PKIB: variants seen among roughly 807,000 people sequenced by gnomAD.
PKIB encodes cAMP-dependent protein kinase inhibitor beta.
PKIB carries 2 observed loss-of-function variants against 4.5 expected under a neutral mutation model. The ratio of observed to expected loss-of-function variants is 0.44; its 90% CI spans 0.18 to 1.39. The LOEUF is 1.39. PKIB is among the 40% of genes most tolerant of loss of function. PKIB has a pLI of 0.27. For missense variants in PKIB, 94 were observed against 92.6 expected, an observed-to-expected ratio of 1.02 and a Z score of -0.06; for synonymous variants, 38 against 36.0, an observed-to-expected ratio of 1.06 and a Z score of -0.20.
chr6:122,634,965 CA>C (rs1715682829), intron 2 of PKIB, among the ~76,000 whole-genome samples: 1 of 150,834 alleles, frequency 6.6e-6, no homozygotes, highest in African/African-American at 2.4e-5. Flanking sequence ...AAAAGAATAG[CA>C]TGTCTTAATT....
intron 2 of PKIB, among the ~76,000 whole-genome samples, chr6:122,667,049 A>G (rs1013649123): frequency 6.6e-6 from 1 of 152,034 alleles, no homozygotes; most frequent in Non-Finnish European, 1.5e-5. Context: ...CTTTCCTCCC[A>G]GTGAGTTGGT....
At chr6:122,572,026 A>G (rs909323581) in intron 2 of PKIB, among the ~76,000 whole-genome samples, 1 of 152,102 alleles carries the variant, frequency 6.6e-6, no homozygotes, top group Non-Finnish European at 1.5e-5. Context: ...ACATAAACTC[A>G]TGGTTAAGGG....
chr6:122,488,323 T>C (rs1775829489), intron 2 of PKIB, among the ~76,000 whole-genome samples: 1 of 152,188 alleles, frequency 6.6e-6, no homozygotes, highest in Non-Finnish European at 1.5e-5. Context: ...TATAATTATT[T>C]ATCTTGTTGC....
chr6:122,673,387 G>A (rs1380854125), intron 2 of PKIB, among the ~76,000 whole-genome samples: 1 of 152,066 alleles, frequency 6.6e-6, no homozygotes. Flanking sequence ...TTTTAGGTGT[G>A]TATATTTACA....
intron 2 of PKIB, 111 bp downstream of exon 2, chr6:122,633,478 A>C (rs1262003091): frequency 2.0e-5 from 3 of 152,188 alleles, no homozygotes; most frequent in Non-Finnish European, 4.4e-5. Context: ...AGAAAATGTA[A>C]GGTGGGATAT....
At chr6:122,507,669 ATT>A (rs576003513) in intron 2 of PKIB, among the ~76,000 whole-genome samples, 21 of 142,220 alleles carry the variant, frequency 1.5e-4, no homozygotes, top group Non-Finnish European at 2.3e-4. Context: ...TGGCTTAAAA[ATT>A]TTTTTTTTTT....
chr6:122,552,472 G>T (rs1321442403), intron 2 of PKIB, among the ~76,000 whole-genome samples: 1 of 152,092 alleles, frequency 6.6e-6, no homozygotes, highest in East Asian at 1.9e-4. Context: ...CACCCCCTGG[G>T]TTCCAGTGAT....
chr6:122,493,130 G>C (rs1366535793), intron 2 of PKIB: 3 of 152,120 alleles, frequency 2.0e-5, no homozygotes, highest in African/African-American at 7.2e-5. Flanking sequence ...AAATCCCTTT[G>C]AACTGTCAAA....
chr6:122,615,606 T>C (rs902139998), intron 1 of PKIB, among the ~76,000 whole-genome samples: 1 of 152,142 alleles, frequency 6.6e-6, no homozygotes, highest in Non-Finnish European at 1.5e-5. Flanking sequence ...ATGACCTTAT[T>C]TGGAAATAGG....
intron 2 of PKIB, among the ~76,000 whole-genome samples, chr6:122,533,975 G>C (rs1023780428): frequency 3.3e-5 from 5 of 151,406 alleles, no homozygotes; most frequent in African/African-American, 4.9e-5. Flanking sequence ...ATCACATCTT[G>C]TATTTTGGAA....
intron 2 of PKIB, among the ~76,000 whole-genome samples, chr6:122,545,514 C>T (rs1160999600): frequency 2.6e-5 from 4 of 151,526 alleles, no homozygotes; most frequent in African/African-American, 9.7e-5. Flanking sequence ...GATGCAGGGG[C>T]TTGGTGTACA....
intron 1 of PKIB, among the ~76,000 whole-genome samples, chr6:122,632,515 A>G (rs1775743090): frequency 6.6e-6 from 1 of 152,230 alleles, no homozygotes; most frequent in African/African-American, 2.4e-5. Flanking sequence ...GAAAATAACT[A>G]GGTTGTTTTC....
At chr6:122,635,259 A>G (rs1238580042) in intron 2 of PKIB, among the ~76,000 whole-genome samples, 1 of 152,204 alleles carries the variant, frequency 6.6e-6, no homozygotes, top group Non-Finnish European at 1.5e-5. Flanking sequence ...TGATACAAGC[A>G]TACCTTGCCA....
intron 2 of PKIB, among the ~76,000 whole-genome samples, chr6:122,543,144 C>T (rs1777660774): frequency 6.6e-6 from 1 of 152,070 alleles, no homozygotes; most frequent in African/African-American, 2.4e-5. Context: ...GGAAAGGGAA[C>T]TCCCTCACCC....
At chr6:122,685,671 CTT>C (rs1024937749) in intron 3 of PKIB, among the ~76,000 whole-genome samples, 1 of 152,098 alleles carries the variant, frequency 6.6e-6, no homozygotes, top group Non-Finnish European at 1.5e-5. Context: ...TGATTACACT[CTT>C]TTAGTTTAGA....
chr6:122,625,062 A>G (rs992777112), intron 1 of PKIB, among the ~76,000 whole-genome samples: 4 of 152,226 alleles, frequency 2.6e-5, no homozygotes, highest in Non-Finnish European at 5.9e-5. Flanking sequence ...CTAAACTACT[A>G]TGTAAAAGCA....
At chr6:122,548,741 A>G (rs910119507) in intron 2 of PKIB, among the ~76,000 whole-genome samples, 2 of 152,206 alleles carry the variant, frequency 1.3e-5, no homozygotes, top group African/African-American at 2.4e-5. Flanking sequence ...TATATTGAGT[A>G]CAATTAATAA....
intron 3 of PKIB, among the ~76,000 whole-genome samples, chr6:122,691,989 C>T (rs1778375799): frequency 6.6e-6 from 1 of 152,188 alleles, no homozygotes; most frequent in South Asian, 2.1e-4. Flanking sequence ...GAAGAATACT[C>T]TGTATTACCA....
At chr6:122,497,913 ATTC>A (rs955664782) in intron 2 of PKIB, among the ~76,000 whole-genome samples, 3 of 152,156 alleles carry the variant, frequency 2.0e-5, no homozygotes, top group Admixed American at 2.0e-4. Flanking sequence ...CAGAATATAC[ATTC>A]TTCTTATCTG....
Sources: gnomAD v4.1 joint callset for allele counts (sites outside exome capture counted in the v4.1 genomes callset) on GRCh38, gnomAD v4.1.1 for gene constraint, MANE v1.5 for transcripts, NCBI Gene and HGNC (gene_info 2026-07-23, HGNC 2026-07-21) for gene names.